ZNF516: variants seen among roughly 807,000 people sequenced by gnomAD.
The protein encoded by ZNF516 is zinc finger protein 516.
A neutral mutation model predicts 79.7 loss-of-function variants in ZNF516; 19 were observed. The ratio of observed to expected loss-of-function variants is 0.24; its 90% CI spans 0.17 to 0.35. The LOEUF (loss-of-function observed/expected upper bound fraction) is 0.35, where lower values mean the gene tolerates loss of function less well. Ranked by LOEUF, ZNF516 falls within the 10% of genes least tolerant of loss-of-function variation. The probability of loss-of-function intolerance (pLI) is 1.00; values close to 1 mark genes in which losing one functional copy is unlikely to be tolerated. For synonymous variants in ZNF516, 877 were observed against 739.5 expected (o/e 1.19, Z -3.02); for missense variants, 1,678 against 1,679.5 (o/e 1.00, Z 0.02).
chr18:76,468,224 G>A (rs923118411), intron 1 of ZNF516, among the ~76,000 whole-genome samples: 7 of 152,206 alleles, frequency 4.6e-5, no homozygotes, highest in African/African-American at 1.7e-4. Flanking sequence ...GATTGGCAGT[G>A]TCCTACAATA....
At position 76,383,845 on chromosome 18, in the gene ZNF516, G is replaced by A. The variant is rs554780787; in HGVS notation, c.1811-3542C>T. Reference sequence around the variant, plus strand: ...CACAGAACAGACGGCTTCGCCCCTCGTCCCCGGCTCCTGGACCCAGTGCTG... The same window carrying A: ...CACAGAACAGACGGCTTCGCCCCTCATCCCCGGCTCCTGGACCCAGTGCTG... On this transcript the variant is annotated intron_variant, in intron 3 of 6. Coordinates refer to ENST00000443185, the MANE Select transcript of ZNF516 (RefSeq NM_014643.4). Among the ~76,000 whole-genome samples the A allele has an allele frequency of 7.9e-5, 12 of 152,300 alleles. No homozygotes were observed. The South Asian group carries it at 1.2e-3, about 16-fold the overall frequency.
rs1221409324 is a variant in ZNF516 at position 76,362,404 on chromosome 18, G to T, written c.*94C>A. ...GGAGTTCCCCGGCTGTTCTTCCATG[G>T]AGCGGCCAGGTCACAGGTGGGAGGC... On this transcript the variant is annotated 3_prime_UTR_variant, in exon 7 of 7. Coordinates refer to ENST00000443185, the MANE Select transcript of ZNF516 (RefSeq NM_014643.4). 13 of 1,262,780 alleles carry T rather than the reference G, an allele frequency of 1.0e-5. No individual in the cohort carries two copies. The highest frequency in any genetic ancestry group is 4.0e-5 in the Admixed American group (2 of 50,320). 78.2% of individuals were successfully genotyped at this position (1,262,780 alleles called of 1,614,324 possible).
chr18:76,467,890 A>G lies in ZNF516; in HGVS notation c.-271-4749T>C, dbSNP rs1429006767. Among the ~76,000 whole-genome samples the G allele has an allele frequency of 1.3e-5, 2 of 152,234 alleles. No homozygotes were observed. Among genetic ancestry groups the G allele is most frequent in the African/African-American group, 4.8e-5 (2 of 41,462 alleles). ...TATAAGTAATAAACGAAGGACAGAA[A>G]TGAGTGCTTCAACTATCTGCTGACT... On this transcript the variant is annotated intron_variant, in intron 1 of 6. Transcript: ENST00000443185. The surrounding 1 kb of genome is among the most constrained non-coding windows in gnomAD (Gnocchi z 4.2).
intron 4 of ZNF516, among the ~76,000 whole-genome samples, chr18:76,374,330 A>G (rs2074752333): frequency 6.6e-6 from 1 of 152,220 alleles, no homozygotes; most frequent in Admixed American, 6.5e-5. Flanking sequence ...GCAATAAGTC[A>G]TTTATGTTCT....
intron 4 of ZNF516, among the ~76,000 whole-genome samples, chr18:76,376,731 G>T (rs2074792643): frequency 6.6e-6 from 1 of 151,964 alleles, no homozygotes; most frequent in South Asian, 2.1e-4. Context: ...AAAAACGGGG[G>T]ACGGCACTTT....
At position 76,443,096 on chromosome 18, in the gene ZNF516, G is replaced by C; in HGVS notation, c.-42C>G. On this transcript the variant is annotated 5_prime_UTR_variant, in exon 3 of 7. Transcript: ENST00000443185. ...GCCGGTGGTGGCGGCACAGCTTTCT[G>C]TCGCGCGGGCTGCAGGGACCGTCCT... 6.5e-7 allele frequency: 1 copy of C among 1,536,080 alleles called. No individual in the cohort carries two copies. Among genetic ancestry groups the C allele is most frequent in the Non-Finnish European group, 8.7e-7 (1 of 1,148,758 alleles).
intron 1 of ZNF516, among the ~76,000 whole-genome samples, chr18:76,473,796 A>G (rs1222886396): frequency 4.6e-5 from 7 of 150,786 alleles, no homozygotes; most frequent in Non-Finnish European, 8.9e-5. Flanking sequence ...GTGAGACTCC[A>G]TCTCCAAAAA....
chr18:76,453,580 T>A (rs1440283885), intron 2 of ZNF516, among the ~76,000 whole-genome samples: 1 of 152,120 alleles, frequency 6.6e-6, no homozygotes, highest in Non-Finnish European at 1.5e-5. Flanking sequence ...AAAACAAATA[T>A]GGAAAATCAG....
At position 76,441,413 on chromosome 18, in the gene ZNF516, C is replaced by T. The variant is rs752504555; in HGVS notation, c.1642G>A (p.Gly548Arg). 5.0e-6 allele frequency: 8 copies of T among 1,608,524 alleles called. No homozygotes were observed. The African/African-American group carries it at 5.3e-5, about 11-fold the overall frequency. The change falls in exon 3 of 7, where the codon GGG becomes AGG. Residue 548 changes from glycine to arginine, a missense_variant. Around this residue, in one of 5 missense-constraint regions of ZNF516, gnomAD observed 1,294 missense variants for 1,248.3 expected, o/e 1.04. Transcript: ENST00000443185. ...CAGCGGGCCCGCGCCGCCCTGTCCC[C>T]GTCACTGTCCCTCTCGCGGCGCGCG... ...RRARRERDSD[G>R]DRAARARCGS...
At chr18:76,387,547 A>C (rs1247227817) in intron 3 of ZNF516, 1 of 152,252 alleles carries the variant, frequency 6.6e-6, no homozygotes, top group Non-Finnish European at 1.5e-5. Context: ...AAGAAAAAAA[A>C]AGTCACTCAG....
intron 6 of ZNF516, among the ~76,000 whole-genome samples, chr18:76,364,972 A>C (rs1198674313): frequency 1.3e-5 from 2 of 152,244 alleles, no homozygotes; most frequent in African/African-American, 4.8e-5. Flanking sequence ...TTGGTTTAAT[A>C]AATAAGAAAA....
chr18:76,419,610 G>A (rs1197545951), intron 3 of ZNF516, among the ~76,000 whole-genome samples: 3 of 152,136 alleles, frequency 2.0e-5, no homozygotes, highest in Non-Finnish European at 4.4e-5. Context: ...TCATTCCTGT[G>A]CTGTTCTCGT....
At chr18:76,439,268 T>C (rs2075783456) in intron 3 of ZNF516, among the ~76,000 whole-genome samples, 1 of 152,220 alleles carries the variant, frequency 6.6e-6, no homozygotes, top group South Asian at 2.1e-4. Flanking sequence ...TAAAGGCAGC[T>C]GTTGTGAGTG....
intron 6 of ZNF516, among the ~76,000 whole-genome samples, chr18:76,364,600 C>T (rs1407105577): frequency 1.3e-5 from 2 of 152,168 alleles, no homozygotes; most frequent in Non-Finnish European, 2.9e-5. Flanking sequence ...TGGGACTTCA[C>T]GAGGTCCACT....
At chr18:76,401,118 C>A (rs577695739) in intron 3 of ZNF516, among the ~76,000 whole-genome samples, 15 of 152,228 alleles carry the variant, frequency 9.9e-5, no homozygotes, top group Non-Finnish European at 1.6e-4. Context: ...GAACGCTAAG[C>A]TCATGGGAGT....
At chr18:76,460,444 G>A (rs572097825) in intron 2 of ZNF516, among the ~76,000 whole-genome samples, 2 of 152,224 alleles carry the variant, frequency 1.3e-5, no homozygotes, top group South Asian at 4.2e-4. Flanking sequence ...AATAAAAGGG[G>A]TACAATCTAA....
intron 3 of ZNF516, among the ~76,000 whole-genome samples, chr18:76,397,066 A>C (rs1391958663): frequency 1.3e-5 from 2 of 152,184 alleles, no homozygotes. Flanking sequence ...AAGCCGGGGG[A>C]CACATAATTG....
At chr18:76,447,263 G>T (rs752930906) in intron 2 of ZNF516, among the ~76,000 whole-genome samples, 2 of 152,218 alleles carry the variant, frequency 1.3e-5, no homozygotes, top group Non-Finnish European at 2.9e-5. Context: ...TTATTGGGAC[G>T]TCAGCGGCCC....
intron 3 of ZNF516, among the ~76,000 whole-genome samples, chr18:76,425,934 C>G (rs1388028634): frequency 2.0e-5 from 3 of 152,240 alleles, no homozygotes; most frequent in Admixed American, 6.5e-5. Context: ...GGCAAACCCC[C>G]CAGCGCTGCT....
Sources: gnomAD v4.1 joint callset for allele counts (sites outside exome capture counted in the v4.1 genomes callset) on GRCh38, gnomAD v4.1.1 for gene constraint, gnomAD v4.1.1 regional missense constraint, Gnocchi (gnomAD v3.1) non-coding constraint, MANE v1.5 for transcripts, NCBI Gene and HGNC (gene_info 2026-07-23, HGNC 2026-07-21) for gene names.